CYP24A1: variants seen among roughly 807,000 people sequenced by gnomAD.
The protein encoded by CYP24A1 is 1,25-dihydroxyvitamin D(3) 24-hydroxylase, mitochondrial.
CYP24A1 carries 68 observed loss-of-function variants against 62.4 expected under a neutral mutation model. The ratio of observed to expected loss-of-function variants is 1.09; its 90% CI spans 0.90 to 1.33. The LOEUF is 1.33. CYP24A1 is among the 40% of genes most tolerant of loss of function. CYP24A1 has a pLI of 0.00. For missense variants in CYP24A1, 787 were observed against 653.0 expected (o/e 1.21, Z -2.24); for synonymous variants, 267 against 253.0 (o/e 1.06, Z -0.52).
chr20:54,169,814 C>A, intron 3 of CYP24A1, 126 bp from the exon 4 acceptor site: 1 of 1,531,274 alleles, frequency 6.5e-7, no homozygotes, highest in African/African-American at 1.4e-5. Flanking sequence ...TGTTATTCAT[C>A]CTGAAGTCAC....
intron 10 of CYP24A1, 44 bp downstream of exon 10, chr20:54,157,344 G>A (rs1485804591): frequency 1.3e-6 from 2 of 1,488,200 alleles, no homozygotes; most frequent in Non-Finnish European, 1.9e-6. Flanking sequence ...TCTGCCTTGT[G>A]AAACAGCACA....
At chr20:54,144,216 C>CT in the CYP24A1 span, among the ~76,000 whole-genome samples, 14,918 of 141,718 alleles carry the variant, frequency 0.11, 1,240 homozygotes, top group East Asian at 0.28. Flanking sequence ...CTCTTTCTTT[C>CT]TTTTTTTTTT....
In CYP24A1 at chr20:54,158,101, A is replaced by G. The variant is rs566282976; in HGVS notation, c.1221T>C (p.Tyr407=). The G allele has an allele frequency of 6.2e-6, 10 of 1,613,986 alleles. No homozygotes were observed. Among genetic ancestry groups the G allele is most frequent in the Admixed American group, 5.0e-5 (3 of 60,038 alleles). ...TTCTACTTACTCCTTTGGGTAAAGCATATTCACCCAGAACTGTTGCCTTGT... is the reference window on the plus strand; with the variant it reads ...TTCTACTTACTCCTTTGGGTAAAGCGTATTCACCCAGAACTGTTGCCTTGT... ...TLDKATVLGE[Y]ALPKGTVLML... is the part of the protein sequence containing the mutation. Residue 407 remains tyrosine (Y), a synonymous_variant, in exon 9 of 12, where the codon TAT becomes TAC. Coordinates refer to ENST00000216862, the MANE Select transcript of CYP24A1 (RefSeq NM_000782.5).
intron 4 of CYP24A1, among the ~76,000 whole-genome samples, chr20:54,167,523 G>A (rs1411388240): frequency 1.2e-4 from 19 of 152,180 alleles, no homozygotes; most frequent in Admixed American, 1.2e-3. Context: ...TGCAATACCA[G>A]CACTTTGGGA....
Position 54,162,550 on chromosome 20 carries a change from G to A in CYP24A1, c.990+167C>T, listed in dbSNP as rs556791822. On this transcript the variant is annotated intron_variant, in intron 7 of 11. Coordinates refer to ENST00000216862, the MANE Select transcript of CYP24A1 (RefSeq NM_000782.5). ...TGCGCTGAGGCACCGTGGCATAGATGCTGTGCGCGGAGGCACCGTGGCATC... is the reference window on the plus strand; with the variant it reads ...TGCGCTGAGGCACCGTGGCATAGATACTGTGCGCGGAGGCACCGTGGCATC... The A allele has an allele frequency of 3.6e-5, 17 of 468,964 alleles. No individual in the cohort carries two copies. The African/African-American group carries it at 4.6e-4, about 13-fold the overall frequency. 29.1% of individuals were successfully genotyped at this position (468,964 alleles called of 1,614,324 possible).
intron 11 of CYP24A1, among the ~76,000 whole-genome samples, chr20:54,155,443 T>A (rs1304490448): frequency 6.6e-6 from 1 of 152,100 alleles, no homozygotes; most frequent in African/African-American, 2.4e-5. Flanking sequence ...ACAAATGTCT[T>A]ATTTCCACCA....
chr20:54,146,544 A>C, the CYP24A1 span, among the ~76,000 whole-genome samples: 1 of 152,338 alleles, frequency 6.6e-6, no homozygotes. Flanking sequence ...TAAAAAGAAA[A>C]CAAATGCAGA....
chr20:54,162,511 C>CCGGTA, intron 7 of CYP24A1: 1 of 574,622 alleles, frequency 1.7e-6, no homozygotes, highest in Non-Finnish European at 3.1e-6. Context: ...ACCGTGGCGT[C>CCGGTA]TGGTATGAGG....
chr20:54,169,498 T>C (rs898915581), intron 4 of CYP24A1, 94 bp downstream of exon 4: 18 of 1,596,126 alleles, frequency 1.1e-5, no homozygotes, highest in Non-Finnish European at 1.4e-5. Context: ...TAGGCAGCAA[T>C]AATGCCTGTT....
chr20:54,145,298 A>C, the CYP24A1 span, among the ~76,000 whole-genome samples: 1 of 149,968 alleles, frequency 6.7e-6, no homozygotes, highest in East Asian at 1.9e-4. Context: ...AAAAAAAAAA[A>C]AGATGGAATT....
At chr20:54,146,966 A>G in the CYP24A1 span, among the ~76,000 whole-genome samples, 1 of 152,154 alleles carries the variant, frequency 6.6e-6, no homozygotes, top group South Asian at 2.1e-4. Flanking sequence ...AAGCTCAACA[A>G]ATTAGGCCAA....
chr20:54,157,181 A>T lies in CYP24A1; in HGVS notation c.1543T>A (p.Ter515LysextTer9). Residue 515 changes from the stop codon to lysine, a stop_lost, in exon 11 of 12, where the codon TAA becomes AAA. Transcript: ENST00000216862. ...CCTAGATGCTCACCTGAGGCGTATTATCGCTGGCAAAACGCGATGGGGAGT... is the reference window on the plus strand; with the variant it reads ...CCTAGATGCTCACCTGAGGCGTATTTTCGCTGGCAAAACGCGATGGGGAGT... ...RELPIAFCQR[*>K] 1 of 1,554,204 alleles carries T rather than the reference A, an allele frequency of 6.4e-7. No individual in the cohort carries two copies. Among genetic ancestry groups the T allele is most frequent in the South Asian group, 1.1e-5 (1 of 89,630 alleles).
At position 54,157,206 on chromosome 20, in the gene CYP24A1, T is replaced by G. The variant is rs775698372; in HGVS notation, c.1518A>C (p.Glu506Asp). ...ATCGCTGGCAAAACGCGATGGGGAG[T>G]TCCCGGCTGGGCACCAGGGTGCCTG... ...LHSGTLVPSR[E>D]LPIAFCQR The change falls in exon 11 of 12, where the codon GAA (glutamate) becomes GAC (aspartate). Residue 506 changes from glutamate to aspartate, a missense_variant. By Grantham distance (45) the Glu-to-Asp change is conservative. Coordinates refer to ENST00000216862, the MANE Select transcript of CYP24A1 (RefSeq NM_000782.5). The G allele has an allele frequency of 7.5e-6, 12 of 1,609,544 alleles. No individual in the cohort carries two copies. The highest frequency in any genetic ancestry group is 1.7e-4 in the Middle Eastern group (1 of 6,050).
At position 54,158,984 on chromosome 20, in the gene CYP24A1, A is replaced by G; in HGVS notation, c.1130T>C (p.Leu377Ser). 1 of 1,614,182 alleles carries G rather than the reference A, an allele frequency of 6.2e-7. No homozygotes were observed. The highest frequency in any genetic ancestry group is 1.3e-5 in the African/African-American group (1 of 75,038). Residue 377 changes from leucine (L) to serine (S), a missense_variant, in exon 8 of 12, where the codon TTA becomes TCA. Leu to Ser is a moderately radical substitution (Grantham distance 145). Coordinates refer to ENST00000216862, the MANE Select transcript of CYP24A1 (RefSeq NM_000782.5). ...RAEDLRNMPY[L>S]KACLKESMRL... is the part of the protein sequence containing the mutation. The stretch of plus-strand genomic sequence containing the variant: ...CATAGATTCTTTCAGACAGGCTTTT[A>G]AATACGGCATATTCCTCAAATCTTC...
chr20:54,172,733 CT>C lies in CYP24A1; in HGVS notation c.449+175del, dbSNP rs956094333. 4.7e-5 allele frequency: 68 copies of C among 1,434,648 alleles called. No homozygotes were observed. In the African/African-American group the frequency reaches 8.4e-4, roughly 18 times the overall value. 88.9% of individuals were successfully genotyped at this position (1,434,648 alleles called of 1,614,324 possible). ...ACAGCACGGCTTTTCCGTGGACCGA[CT>C]CTAATCTGTACAAGAGCTCAGGGTT... On this transcript the variant is annotated intron_variant, in intron 2 of 11. Transcript: ENST00000216862.
chr20:54,168,276 G>A (rs1438984629), intron 4 of CYP24A1, among the ~76,000 whole-genome samples: 1 of 152,196 alleles, frequency 6.6e-6, no homozygotes, highest in East Asian at 1.9e-4. Flanking sequence ...TGGGCAGTGA[G>A]CTCTGCCCTT....
chr20:54,161,299 T>A (rs1380214189), intron 7 of CYP24A1, among the ~76,000 whole-genome samples: 1 of 152,228 alleles, frequency 6.6e-6, no homozygotes, highest in African/African-American at 2.4e-5. Context: ...TCAGCTCCAG[T>A]ACTGCTTTCT....
intron 7 of CYP24A1, among the ~76,000 whole-genome samples, chr20:54,162,237 T>G (rs1367810763): frequency 3.0e-5 from 4 of 133,574 alleles, no homozygotes; most frequent in Non-Finnish European, 6.9e-5. Context: ...TTTTTTTTTT[T>G]TTTTTTTTTT....
the CYP24A1 span, among the ~76,000 whole-genome samples, chr20:54,147,447 T>C: frequency 6.6e-6 from 1 of 152,174 alleles, no homozygotes; most frequent in Non-Finnish European, 1.5e-5. Flanking sequence ...GGACTCAATG[T>C]TGGGGACCGA....
Sources: allele counts gnomAD v4.1 joint callset (sites outside exome capture counted in the v4.1 genomes callset), GRCh38; gene constraint gnomAD v4.1.1; transcripts MANE v1.5; gene names NCBI Gene and HGNC (gene_info 2026-07-23, HGNC 2026-07-21).